The following TMPRSS2 variants were observed in gnomAD, a reference collection of about 807,000 sequenced individuals.
TMPRSS2 encodes transmembrane protease serine 2.
In TMPRSS2, 59 loss-of-function variants were observed where a neutral mutation model predicts 67.4. The ratio of observed to expected loss-of-function variants is 0.88; its 90% confidence interval spans 0.71 to 1.09. The LOEUF (loss-of-function observed/expected upper bound fraction) is 1.09. Among genes scored for constraint, TMPRSS2 ranks in the 50% least tolerant of loss-of-function variants. The probability of loss-of-function intolerance (pLI) is 0.00; values close to 1 mark genes in which losing one functional copy is unlikely to be tolerated. For synonymous variants in TMPRSS2, 257 were observed against 257.0 expected, an observed-to-expected ratio of 1.00 and a Z score of 0.00; for missense variants, 668 against 642.7, an observed-to-expected ratio of 1.04 and a Z score of -0.43.
chr21:41,481,169 G>A (rs533571483), intron 5 of TMPRSS2, among the ~76,000 whole-genome samples: 3 of 152,302 alleles, frequency 2.0e-5, no homozygotes, highest in South Asian at 2.1e-4. Context: ...GCTGAAAGGC[G>A]AAAACACTCC....
At chr21:41,495,711 T>C (rs967749019) in intron 2 of TMPRSS2, among the ~76,000 whole-genome samples, 1 of 150,518 alleles carries the variant, frequency 6.6e-6, no homozygotes, top group Non-Finnish European at 1.5e-5. Context: ...AGAGGGAAAA[T>C]TGAGGTCATT....
At chr21:41,475,346 T>G (rs1411445615) in intron 8 of TMPRSS2, among the ~76,000 whole-genome samples, 1 of 7,888 alleles carries the variant, frequency 1.3e-4, no homozygotes, top group Non-Finnish European at 1.9e-4. Flanking sequence ...AAGGTGTGAG[T>G]GAGGGCGTGA....
intron 3 of TMPRSS2, among the ~76,000 whole-genome samples, chr21:41,491,477 G>A (rs546512831): frequency 1.3e-5 from 2 of 152,288 alleles, no homozygotes; most frequent in East Asian, 3.9e-4. Context: ...GCTCACAGAT[G>A]AGGCCAGCAC....
chr21:41,477,783 A>G (rs1049580056), intron 7 of TMPRSS2, among the ~76,000 whole-genome samples: 1 of 152,172 alleles, frequency 6.6e-6, no homozygotes, highest in East Asian at 1.9e-4. Flanking sequence ...GCGCCAGGGC[A>G]CATGTGGTTA....
intron 2 of TMPRSS2, among the ~76,000 whole-genome samples, chr21:41,495,915 TA>T (rs35393183): frequency 0.14 from 20,279 of 142,682 alleles, 2,529 homozygotes; most frequent in African/African-American, 0.32. Context: ...TCTTTAAAAT[TA>T]AAAAAAAAAA....
intron 7 of TMPRSS2, 94 bp downstream of exon 7, chr21:41,479,078 C>T (rs2091237536): frequency 5.2e-6 from 5 of 962,792 alleles, no homozygotes; most frequent in Non-Finnish European, 8.2e-6. Flanking sequence ...CCGAGTATTG[C>T]AGCTCAGAGA....
rs61735789 is a variant in TMPRSS2 at position 41,480,508 on chromosome 21, G to A, written c.540C>T (p.Tyr180=). Residue 180 remains tyrosine (Y), a synonymous_variant, in exon 6 of 14, where the codon TAC becomes TAT. Coordinates refer to ENST00000332149, the MANE Select transcript of TMPRSS2 (RefSeq NM_005656.4). The part of the protein sequence containing the change: ...PVCQDDWNEN[Y]GRAACRDMGY... ...CCATGTCCCTGCAGGCCGCCCGCCC[G>A]TAGTTCTCGTTCCAGTCGTCTTGGC... 21,257 of 1,613,672 alleles carry A rather than the reference G, an allele frequency of 0.013. 203 individuals carry two copies. The highest frequency in any genetic ancestry group is 0.016 in the Non-Finnish European group (18,578 of 1,180,036).
chr21:41,492,778 T>C (rs2091347699), intron 3 of TMPRSS2, among the ~76,000 whole-genome samples: 1 of 152,208 alleles, frequency 6.6e-6, no homozygotes, highest in Non-Finnish European at 1.5e-5. Context: ...GTGTCCATCA[T>C]GTGGGCCAGG....
In TMPRSS2 at chr21:41,480,581, A is replaced by G. The variant is rs2146452172; in HGVS notation, c.467T>C (p.Phe156Ser). 6.2e-7 allele frequency: 1 copy of G among 1,613,758 alleles called. No individual in the cohort carries two copies. ...NRCVRLYGPN[F>S]ILQVYSSQRK... ...CTGAGATGAGTACACCTGAAGGATG[A>G]AGTTTGGTCCGTAGAGGCGAACTGC... Residue 156 changes from phenylalanine (F) to serine (S), a missense_variant, in exon 6 of 14, where the codon TTC (phenylalanine) becomes TCC (serine). Coordinates refer to ENST00000332149, the MANE Select transcript of TMPRSS2 (RefSeq NM_005656.4).
chr21:41,502,411 G>A lies in TMPRSS2; in HGVS notation c.-56-4222C>T, dbSNP rs567302726. On this transcript the variant is annotated intron_variant, in intron 1 of 13. Transcript: ENST00000332149. ...ATTGTGCACACACCTTCTCCTTCTC[G>A]AAGCCCCCACCTGTGACTGGTACGG... 491 of 985,308 alleles carry A rather than the reference G, an allele frequency of 5.0e-4. 4 individuals carry two copies. In the South Asian group the frequency reaches 0.02, roughly 39 times the overall value. The allele number at this position is 985,308 out of a possible 1,614,324, so 61.0% of individuals were successfully genotyped here. A position where few individuals can be genotyped will look rare whatever the true frequency, so the allele number is the denominator to read the frequency against.
At chr21:41,476,742 C>T in intron 7 of TMPRSS2, 122 bp from the exon 8 acceptor site, 1 of 873,400 alleles carries the variant, frequency 1.1e-6, no homozygotes, top group African/African-American at 1.7e-5. Context: ...ATAGAAGGGT[C>T]TGCTAGTTAC....
chr21:41,486,964 T>C (rs944460125), intron 5 of TMPRSS2: 2 of 152,218 alleles, frequency 1.3e-5, no homozygotes, highest in African/African-American at 2.4e-5. Context: ...ACAGCCATTA[T>C]GGAAAACAGT....
chr21:41,494,464 A>C lies in TMPRSS2; in HGVS notation c.130T>G (p.Tyr44Asp), dbSNP rs547639377. Residue 44 changes from tyrosine (Y) to aspartate (D), a missense_variant, in exon 3 of 14, where the codon TAC (tyrosine) becomes GAC (aspartate). By Grantham distance (160) the Tyr-to-Asp change is radical. Transcript: ENST00000332149. ...TACTGGGGCACGGGGGACGGGTAGT[A>C]CTGAGCCGGATGCACCTCGTAGACA... ...PTVYEVHPAQ[Y>D]YPSPVPQYAP... 2 of 1,613,920 alleles carry C rather than the reference A, an allele frequency of 1.2e-6. No homozygotes were observed. Among genetic ancestry groups the C allele is most frequent in the African/African-American group, 2.7e-5 (2 of 74,898 alleles).
rs754865888 is a variant in TMPRSS2, at chr21:41,465,935, G to C, written c.*207C>G. On this transcript the variant is annotated 3_prime_UTR_variant, in exon 14 of 14. Coordinates refer to ENST00000332149, the MANE Select transcript of TMPRSS2 (RefSeq NM_005656.4). The stretch of plus-strand genomic sequence containing the variant: ...CAACCAGCCGGCCATCACCCCTTGC[G>C]GACAAGGGGTTAGGGAGAGCAGGCT... 1.6e-6 allele frequency: 1 copy of C among 625,434 alleles called. No individual in the cohort carries two copies. The highest frequency in any genetic ancestry group is 2.8e-6 in the Non-Finnish European group (1 of 352,014). 38.7% of individuals were successfully genotyped at this position (625,434 alleles called of 1,614,324 possible).
chr21:41,477,888 A>T (rs1326558616), intron 7 of TMPRSS2, among the ~76,000 whole-genome samples: 2 of 134,420 alleles, frequency 1.5e-5, no homozygotes, highest in Admixed American at 7.3e-5. Context: ...TCCCCCCACC[A>T]CCACCACCGA....
At chr21:41,502,421 C>A (rs2091430649) in intron 1 of TMPRSS2, 3 of 985,316 alleles carry the variant, frequency 3.0e-6, no homozygotes, top group Non-Finnish European at 2.4e-6. Context: ...GAAGCCCCCA[C>A]CTGTGACTGG....
chr21:41,481,118 C>T lies in TMPRSS2; in HGVS notation c.446-516G>A, dbSNP rs370641046. Reference sequence around the variant, plus strand: ...AGAGAATTGAAAACAGGCATTGGGTCCAAAACTTGTACAAATGTTCACTGC... The same window carrying T: ...AGAGAATTGAAAACAGGCATTGGGTTCAAAACTTGTACAAATGTTCACTGC... On this transcript the variant is annotated intron_variant, in intron 5 of 13. Coordinates refer to ENST00000332149, the MANE Select transcript of TMPRSS2 (RefSeq NM_005656.4). Among the ~76,000 whole-genome samples the T allele has an allele frequency of 9.0e-4, 137 of 152,310 alleles. 1 individual carries two copies. The Middle Eastern group carries it at 0.01, about 11-fold the overall frequency.
At chr21:41,468,307 C>G (rs1401996938) in intron 12 of TMPRSS2, 89 bp downstream of exon 12, 3 of 1,532,646 alleles carry the variant, frequency 2.0e-6, no homozygotes, top group Non-Finnish European at 2.7e-6. Flanking sequence ...ACTGAGGAGG[C>G]TCTGCTGACC....
At chr21:41,481,651 T>G (rs771730437) in intron 5 of TMPRSS2, among the ~76,000 whole-genome samples, 10 of 152,222 alleles carry the variant, frequency 6.6e-5, no homozygotes, top group Admixed American at 5.9e-4. Context: ...AGCTGTTTTA[T>G]ATAAAAAATT....
Sources: gnomAD v4.1 joint callset for allele counts (sites outside exome capture counted in the v4.1 genomes callset) on GRCh38, gnomAD v4.1.1 for gene constraint, MANE v1.5 for transcripts, NCBI Gene and HGNC (gene_info 2026-07-23, HGNC 2026-07-21) for gene names.